The following PAPPA variants were observed in gnomAD, a reference collection of about 807,000 sequenced individuals.
PAPPA encodes the protein pappalysin 1, also known as pappalysin-1.
PAPPA carries 60 observed loss-of-function variants against 164.0 expected under a neutral mutation model. The observed-to-expected ratio is 0.37, with a 90% CI of 0.30 to 0.45. The LOEUF is 0.45. PAPPA is among the 20% of genes least tolerant of loss of function. PAPPA has a pLI of 1.00. For synonymous variants in PAPPA, 875 were observed against 814.1 expected (o/e 1.07, Z -1.27); for missense variants, 1,782 against 2,087.3 (o/e 0.85, Z 2.85).
chr9:116,205,331 T>C (rs962711472), intron 2 of PAPPA, among the ~76,000 whole-genome samples: 1 of 152,198 alleles, frequency 6.6e-6, no homozygotes, highest in Non-Finnish European at 1.5e-5. Flanking sequence ...CCCCTGCCCC[T>C]ACCCCACCCT....
At chr9:116,268,871 T>G (rs2118820833) in intron 8 of PAPPA, among the ~76,000 whole-genome samples, 1 of 149,352 alleles carries the variant, frequency 6.7e-6, no homozygotes, top group African/African-American at 2.4e-5. Context: ...GAAGGAAAAC[T>G]TTGGGGAAAA....
Position 116,400,491 on chromosome 9 carries a change from A to T in PAPPA, c.*3875A>T, listed in dbSNP as rs1271093878. On this transcript the variant is annotated 3_prime_UTR_variant, in exon 22 of 22. Transcript: ENST00000328252. ...AGGGCTTATATTGGTTTTTCCAGCT[A>T]TTAAGGGGACATATTGTGTCGTTGT... The T allele has an allele frequency of 6.6e-6, 1 of 152,004 alleles. No homozygotes were observed. The highest frequency in any genetic ancestry group is 6.6e-5 in the Admixed American group (1 of 15,250). The allele number at this position is 152,004 out of a possible 1,614,324, so 9.4% of individuals were successfully genotyped here.
chr9:116,358,296 C>T (rs796934902), intron 17 of PAPPA, among the ~76,000 whole-genome samples: 10 of 152,346 alleles, frequency 6.6e-5, no homozygotes, highest in African/African-American at 2.2e-4. Context: ...CTCATCCTCC[C>T]TTGTGGGGCA....
intron 9 of PAPPA, among the ~76,000 whole-genome samples, chr9:116,298,493 A>G (rs1384586195): frequency 6.6e-6 from 1 of 152,218 alleles, no homozygotes; most frequent in Non-Finnish European, 1.5e-5. Context: ...TGAGGGGAAG[A>G]TGGCGTGGGA....
intron 7 of PAPPA, among the ~76,000 whole-genome samples, chr9:116,265,153 A>G (rs1228379634): frequency 2.6e-5 from 4 of 152,216 alleles, no homozygotes; most frequent in African/African-American, 9.6e-5. Flanking sequence ...AAGTTGCTTT[A>G]CCTTCCTATG....
chr9:116,309,195 C>T (rs1030655987), intron 10 of PAPPA, among the ~76,000 whole-genome samples: 2 of 152,046 alleles, frequency 1.3e-5, no homozygotes, highest in Admixed American at 1.3e-4. Context: ...CCTGCCTCAG[C>T]CTCCCAAGTA....
At chr9:116,349,356 T>C (rs1465272830) in intron 15 of PAPPA, among the ~76,000 whole-genome samples, 1 of 152,220 alleles carries the variant, frequency 6.6e-6, no homozygotes, top group Non-Finnish European at 1.5e-5. Context: ...GATAAATTCA[T>C]ACTTTATGCA....
At chr9:116,238,768 G>A (rs768373406) in intron 7 of PAPPA, among the ~76,000 whole-genome samples, 10 of 152,132 alleles carry the variant, frequency 6.6e-5, no homozygotes, top group Admixed American at 1.3e-4. Context: ...GATCTGGGCT[G>A]GGATGGGCTG....
At chr9:116,325,249 C>T (rs1254480523) in intron 10 of PAPPA, among the ~76,000 whole-genome samples, 2 of 152,150 alleles carry the variant, frequency 1.3e-5, no homozygotes, top group East Asian at 3.9e-4. Flanking sequence ...GCCTCTGAGC[C>T]TCATTTTCTC....
At chr9:116,288,797 C>T (rs1845377419) in intron 9 of PAPPA, 1 of 151,858 alleles carries the variant, frequency 6.6e-6, no homozygotes, top group Admixed American at 6.6e-5. Context: ...TTATCGAAAC[C>T]ATATAGCAGG....
intron 1 of PAPPA, among the ~76,000 whole-genome samples, chr9:116,180,934 T>A (rs1843897415): frequency 6.6e-6 from 1 of 152,196 alleles, no homozygotes; most frequent in South Asian, 2.1e-4. Flanking sequence ...TTCTGATCTG[T>A]AAATAGTACC....
At position 116,396,739 on chromosome 9, in the gene PAPPA, G is replaced by T; in HGVS notation, c.*123G>T. 1.6e-6 allele frequency: 1 copy of T among 636,986 alleles called. No homozygotes were observed. The highest frequency in any genetic ancestry group is 2.9e-6 in the Non-Finnish European group (1 of 350,394). The allele number at this position is 636,986 out of a possible 1,614,324, so 39.5% of individuals were successfully genotyped here. Reference sequence around the variant, plus strand: ...CACCAGGGATCCTTAGCACCCAACCGGTCTGCCTTTAATTTTACCCAGGAA... The same window carrying T: ...CACCAGGGATCCTTAGCACCCAACCTGTCTGCCTTTAATTTTACCCAGGAA... On this transcript the variant is annotated 3_prime_UTR_variant, in exon 22 of 22. Transcript: ENST00000328252.
intron 5 of PAPPA, among the ~76,000 whole-genome samples, chr9:116,222,819 CA>C (rs948101244): frequency 2.5e-4 from 38 of 152,186 alleles, no homozygotes; most frequent in African/African-American, 7.9e-4. Context: ...TTGTATATTT[CA>C]AACTTGTGAA....
chr9:116,176,026 T>C (rs1843829792), intron 1 of PAPPA, among the ~76,000 whole-genome samples: 1 of 152,202 alleles, frequency 6.6e-6, no homozygotes, highest in Admixed American at 6.5e-5. Context: ...TGACTACATC[T>C]GTGCCAGATA....
chr9:116,232,915 G>T (rs1158693906), intron 6 of PAPPA, among the ~76,000 whole-genome samples: 2 of 152,172 alleles, frequency 1.3e-5, no homozygotes, highest in African/African-American at 2.4e-5. Flanking sequence ...GGAAGGATGA[G>T]CCAGGCAGAT....
intron 1 of PAPPA, among the ~76,000 whole-genome samples, chr9:116,156,922 C>A (rs1408241406): frequency 6.6e-6 from 1 of 152,232 alleles, no homozygotes; most frequent in East Asian, 1.9e-4. Context: ...CGAAGGCTCA[C>A]CCTCTCGCGG....
Position 116,235,388 on chromosome 9 carries a change from T to C in PAPPA, c.2483T>C (p.Leu828Pro). 2 of 1,614,074 alleles carry C rather than the reference T, an allele frequency of 1.2e-6. No individual in the cohort carries two copies. Among genetic ancestry groups the C allele is most frequent in the Non-Finnish European group, 1.7e-6 (2 of 1,180,024 alleles). The change falls in exon 7 of 22, where the codon CTG (leucine) becomes CCG (proline). Residue 828 changes from leucine (L) to proline (P), a missense_variant. By Grantham distance (98) the Leu-to-Pro change is moderately conservative. Transcript: ENST00000328252. ...LLAVSGKNIS[L>P]GPQNVFCDVP... is the part of the protein sequence containing the mutation. ...GCTGTCAGTGGGAAGAACATCTCCC[T>C]GGGTCCTCAGAATGTCTTCTGTGAT...
chr9:116,337,926 T>C (rs1204670129), intron 13 of PAPPA, among the ~76,000 whole-genome samples: 1 of 152,104 alleles, frequency 6.6e-6, no homozygotes, highest in African/African-American at 2.4e-5. Flanking sequence ...AGAGGTCCAG[T>C]TGTGCAATTC....
chr9:116,260,914 T>A (rs1844993623), intron 7 of PAPPA, among the ~76,000 whole-genome samples: 1 of 152,220 alleles, frequency 6.6e-6, no homozygotes, highest in Non-Finnish European at 1.5e-5. Flanking sequence ...AAGGTCTTTG[T>A]GATCCAAAAC....
Sources: gnomAD v4.1 joint callset for allele counts (sites outside exome capture counted in the v4.1 genomes callset) on GRCh38, gnomAD v4.1.1 for gene constraint, MANE v1.5 for transcripts, NCBI Gene and HGNC (gene_info 2026-07-23, HGNC 2026-07-21) for gene names.